WDFY3: variants seen among roughly 807,000 people sequenced by gnomAD.
WDFY3 encodes the protein WD repeat and FYVE domain-containing protein 3.
Under a neutral mutation model 409.6 loss-of-function variants are expected in WDFY3, and 66 were observed. That is an observed-to-expected ratio of 0.16 (90% CI 0.13 to 0.20). The LOEUF is 0.20. Ranked by LOEUF, WDFY3 falls within the 10% of genes least tolerant of loss-of-function variation. The pLI, the probability that WDFY3 is intolerant of heterozygous loss-of-function variation, is 1.00. For synonymous variants in WDFY3, 1,521 were observed against 1,537.1 expected, an observed-to-expected ratio of 0.99 and a Z score of 0.25; for missense variants, 3,031 against 4,298.1, an observed-to-expected ratio of 0.71 and a Z score of 8.24.
chr4:84,842,341 G>A (rs1291558023), intron 5 of WDFY3, among the ~76,000 whole-genome samples: 1 of 152,022 alleles, frequency 6.6e-6, no homozygotes, highest in Non-Finnish European at 1.5e-5. Context: ...GGCAGGTGTG[G>A]TGTCATGAGC....
At chr4:84,783,888 CA>C in intron 24 of WDFY3, among the ~76,000 whole-genome samples, 1 of 151,890 alleles carries the variant, frequency 6.6e-6, no homozygotes, top group Non-Finnish European at 1.5e-5. Context: ...CACACACACA[CA>C]CACACACACA....
chr4:84,672,423 A>C lies in WDFY3; in HGVS notation c.*445T>G, dbSNP rs1269852634. 1 of 152,640 alleles carries C rather than the reference A, an allele frequency of 6.6e-6. No homozygotes were observed. Among genetic ancestry groups the C allele is most frequent in the Non-Finnish European group, 1.5e-5 (1 of 68,396 alleles). 9.5% of individuals were successfully genotyped at this position (152,640 alleles called of 1,614,324 possible). On this transcript the variant is annotated 3_prime_UTR_variant, in exon 68 of 68. Coordinates refer to ENST00000295888, the MANE Select transcript of WDFY3 (RefSeq NM_014991.6). ...CAGGCAGTTAAGTCCTTATTTAGAA[A>C]AAAGGCCTTTTATATCTATTTACAA...
At chr4:84,946,989 A>G (rs1772930075) in intron 1 of WDFY3, among the ~76,000 whole-genome samples, 1 of 151,316 alleles carries the variant, frequency 6.6e-6, no homozygotes, top group Admixed American at 6.6e-5. Flanking sequence ...TTGTATTTTT[A>G]GTAGATACGG....
At chr4:84,806,343 A>G (rs1489710238) in intron 15 of WDFY3, among the ~76,000 whole-genome samples, 1 of 152,202 alleles carries the variant, frequency 6.6e-6, no homozygotes, top group East Asian at 1.9e-4. Flanking sequence ...TAGTATTAGC[A>G]TGAACAGTAT....
rs1469427083 is a variant in WDFY3, at chr4:84,772,899, T to G, written c.4785A>C (p.Pro1595=). Residue 1595 remains proline, a synonymous_variant, in exon 30 of 68, where the codon CCA becomes CCC. Transcript: ENST00000295888. ...RFGQFISSTL[P]TFAVCEKFVV... is the part of the protein sequence containing the mutation. The stretch of plus-strand genomic sequence containing the variant: ...CAAATTTCTCACAAACCGCAAAGGT[T>G]GGCAAAGTAGAAGAAATAAACTGCC... The G allele has an allele frequency of 6.2e-7, 1 of 1,608,576 alleles. No homozygotes were observed.
At chr4:84,756,846 T>C in intron 33 of WDFY3, 80 bp downstream of exon 33, 10 of 1,394,682 alleles carry the variant, frequency 7.2e-6, no homozygotes, top group Non-Finnish European at 9.9e-6. Flanking sequence ...TGACAGTTGG[T>C]TTTACAGTGA....
At chr4:84,808,484 T>A in intron 14 of WDFY3, 67 bp from the exon 15 acceptor site, 1 of 1,405,880 alleles carries the variant, frequency 7.1e-7, no homozygotes, top group Non-Finnish European at 1.0e-6. Context: ...GGTTGGCAGT[T>A]GGTTAGTTTC....
At chr4:84,916,716 G>GA (rs1247214564) in intron 2 of WDFY3, among the ~76,000 whole-genome samples, 1 of 152,120 alleles carries the variant, frequency 6.6e-6, no homozygotes, top group Non-Finnish European at 1.5e-5. Context: ...TTGATAAATT[G>GA]AAAATGAATA....
At chr4:84,711,671 T>A (rs923599444) in intron 51 of WDFY3, among the ~76,000 whole-genome samples, 1 of 151,808 alleles carries the variant, frequency 6.6e-6, no homozygotes, top group African/African-American at 2.4e-5. Flanking sequence ...GCCAATATGG[T>A]GAAACCCCAT....
In WDFY3 at chr4:84,729,475, A is replaced by C. The variant is rs538712372; in HGVS notation, c.7222-2564T>G. Among the ~76,000 whole-genome samples, 4 of 151,924 alleles carry C rather than the reference A, an allele frequency of 2.6e-5. No homozygotes were observed. The South Asian group carries it at 6.2e-4, about 24-fold the overall frequency. ...ATACAGAATTTTCCATATGTACTTA[A>C]TTTTTCTCGATATTAATAATTATTA... is the stretch of plus-strand genomic sequence containing the variant. On this transcript the variant is annotated intron_variant, in intron 44 of 67. Transcript: ENST00000295888.
At chr4:84,817,635 A>C in intron 12 of WDFY3, 50 bp from the exon 13 acceptor site, 1 of 1,478,420 alleles carries the variant, frequency 6.8e-7, no homozygotes, top group Non-Finnish European at 9.2e-7. Flanking sequence ...AAATATTCTG[A>C]GACAAGTCAG....
At chr4:84,881,585 A>T (rs906169506) in intron 3 of WDFY3, among the ~76,000 whole-genome samples, 2 of 54,884 alleles carry the variant, frequency 3.6e-5, no homozygotes, top group Non-Finnish European at 7.4e-5. Flanking sequence ...TACAATCATT[A>T]AAAAAAAAAA....
At chr4:84,746,519 C>G (rs17009247) in intron 36 of WDFY3, among the ~76,000 whole-genome samples, 67,834 of 151,890 alleles carry the variant, frequency 0.45, 15,747 homozygotes, top group African/African-American at 0.55. Context: ...AAGGATTTAA[C>G]ACTGGCTCAG....
chr4:84,807,607 A>T (rs1218069659), intron 15 of WDFY3, among the ~76,000 whole-genome samples: 1 of 152,244 alleles, frequency 6.6e-6, no homozygotes, highest in Non-Finnish European at 1.5e-5. Flanking sequence ...TGAGGAAAAC[A>T]GGAAAAGTAA....
chr4:84,910,096 A>C (rs1767562701), intron 2 of WDFY3, among the ~76,000 whole-genome samples: 2 of 152,244 alleles, frequency 1.3e-5, no homozygotes, highest in South Asian at 4.1e-4. Flanking sequence ...TGTACTAAAC[A>C]TGTACATATT....
rs772926134 is a variant in WDFY3 at position 84,821,228 on chromosome 4, T to A, written c.1447A>T (p.Met483Leu). The change falls in exon 11 of 68, where the codon ATG (methionine) becomes TTG (leucine). Residue 483 changes from methionine (M) to leucine (L), a missense_variant. By Grantham distance (15) the Met-to-Leu change is conservative. This residue lies in a region of WDFY3 where 1,322 missense variants were observed against 1,697.9 expected (regional missense o/e 0.78). Transcript: ENST00000295888. ...SSSYHCSIIAMKTLLKFTRHD... is the reference protein window; with the variant it reads ...SSSYHCSIIALKTLLKFTRHD... The stretch of plus-strand genomic sequence containing the variant: ...CTTGTAAACTTAAGAAGTGTTTTCA[T>A]TGCAATAATGCTACAGTGATAAGAA... The A allele has an allele frequency of 1.9e-6, 3 of 1,613,654 alleles. No homozygotes were observed. The Admixed American group carries it at 5.0e-5, about 27-fold the overall frequency.
At chr4:84,899,659 A>C (rs1766090718) in intron 2 of WDFY3, among the ~76,000 whole-genome samples, 1 of 152,194 alleles carries the variant, frequency 6.6e-6, no homozygotes, top group African/African-American at 2.4e-5. Context: ...ACAACAGCAG[A>C]GTACCCACAA....
At chr4:84,838,267 C>T (rs866758416) in intron 6 of WDFY3, among the ~76,000 whole-genome samples, 1 of 152,126 alleles carries the variant, frequency 6.6e-6, no homozygotes, top group African/African-American at 2.4e-5. Context: ...CTTAAGTCAA[C>T]CCCATGACTT....
At position 84,948,385 on chromosome 4, in the gene WDFY3, A is replaced by C. The variant is rs548322229; in HGVS notation, c.-225-16022T>G. On this transcript the variant is annotated intron_variant, in intron 1 of 67. Transcript: ENST00000295888. Reference sequence around the variant, plus strand: ...CGTGATGCCATACCAATGCCAATAAAGCAGACTAAATGATTACTGATCAAC... The same window carrying C: ...CGTGATGCCATACCAATGCCAATAACGCAGACTAAATGATTACTGATCAAC... 2.0e-5 allele frequency among the ~76,000 whole-genome samples: 3 copies of C among 152,310 alleles called. No homozygotes were observed. The South Asian group carries it at 6.2e-4, about 32-fold the overall frequency.
Sources: allele counts gnomAD v4.1 joint callset (sites outside exome capture counted in the v4.1 genomes callset), GRCh38; gene constraint gnomAD v4.1.1; regional missense constraint gnomAD v4.1.1; transcripts MANE v1.5; gene names NCBI Gene and HGNC (gene_info 2026-07-23, HGNC 2026-07-21).